The following CFDP1 variants were observed in gnomAD, a reference collection of about 807,000 sequenced individuals.
CFDP1 encodes chromatin remodeling protein CFDP1.
Under a neutral mutation model 40.1 loss-of-function variants are expected in CFDP1, and 31 were observed. That is an observed-to-expected ratio of 0.77 (90% CI 0.58 to 1.04). CFDP1 has a LOEUF of 1.04. Among genes scored for constraint, CFDP1 ranks in the 50% least tolerant of loss-of-function variants. The pLI is 0.00. For missense variants in CFDP1, 423 were observed against 343.4 expected (o/e 1.23, Z -1.83); for synonymous variants, 167 against 120.0 (o/e 1.39, Z -2.56).
chr16:75,380,429 T>C (rs1266157500), intron 5 of CFDP1, among the ~76,000 whole-genome samples: 2 of 152,096 alleles, frequency 1.3e-5, no homozygotes, highest in Non-Finnish European at 2.9e-5. Flanking sequence ...ACAGTTTCAA[T>C]AACTTCCAGT....
chr16:75,375,699 G>A (rs1439700286), intron 5 of CFDP1, among the ~76,000 whole-genome samples: 1 of 151,472 alleles, frequency 6.6e-6, no homozygotes, highest in Non-Finnish European at 1.5e-5. Flanking sequence ...GCTGAGACAG[G>A]AGAATCGTTT....
At chr16:75,296,532 C>A (rs1044636119) in intron 6 of CFDP1, among the ~76,000 whole-genome samples, 1 of 152,182 alleles carries the variant, frequency 6.6e-6, no homozygotes, top group African/African-American at 2.4e-5. Flanking sequence ...TCGGGCCCAG[C>A]CCTGACTTTC....
rs957300783 is a variant in CFDP1, at chr16:75,433,470, C to A, written c.-118G>T. 4.3e-6 allele frequency: 4 copies of A among 928,940 alleles called. No homozygotes were observed. The highest frequency in any genetic ancestry group is 2.6e-5 in the East Asian group (1 of 37,950). The allele number at this position is 928,940 out of a possible 1,614,324, so 57.5% of individuals were successfully genotyped here. The stretch of plus-strand genomic sequence containing the variant: ...CGGCGACGGCAGCTAGGGCGGCCCC[C>A]GACAGCGCTTTGCACATGCGCAGAG... On this transcript the variant is annotated 5_prime_UTR_variant, in exon 1 of 7. Transcript: ENST00000283882.
intron 5 of CFDP1, among the ~76,000 whole-genome samples, chr16:75,388,456 G>C (rs562814784): frequency 9.3e-4 from 141 of 152,304 alleles, no homozygotes; most frequent in African/African-American, 3.1e-3. Flanking sequence ...GGGAAAAGCA[G>C]TTGCCTACAG....
chr16:75,340,171 T>G (rs2078517023), intron 5 of CFDP1, among the ~76,000 whole-genome samples: 1 of 152,214 alleles, frequency 6.6e-6, no homozygotes, highest in Non-Finnish European at 1.5e-5. Context: ...AATCGACTGA[T>G]AAAATCACAT....
At chr16:75,306,902 C>CACACACACAT (rs1555552534) in intron 5 of CFDP1, among the ~76,000 whole-genome samples, 2,141 of 149,598 alleles carry the variant, frequency 0.014, 48 homozygotes, top group African/African-American at 0.05. Context: ...CACACACACA[C>CACACACACAT]GCACACACAC....
chr16:75,386,306 C>T (rs1004528597), intron 5 of CFDP1, among the ~76,000 whole-genome samples: 1 of 152,216 alleles, frequency 6.6e-6, no homozygotes, highest in African/African-American at 2.4e-5. Context: ...ATTTATTTAA[C>T]TCCAGGCAAC....
chr16:75,394,410 G>C (rs1321213474), intron 5 of CFDP1, among the ~76,000 whole-genome samples: 1 of 152,198 alleles, frequency 6.6e-6, no homozygotes, highest in African/African-American at 2.4e-5. Flanking sequence ...TTAAGTTCCT[G>C]ACAATGTGTT....
At chr16:75,415,157 A>G (rs757388967) in intron 1 of CFDP1, among the ~76,000 whole-genome samples, 14 of 152,244 alleles carry the variant, frequency 9.2e-5, no homozygotes, top group Non-Finnish European at 1.5e-4. Flanking sequence ...TCAATAAAAG[A>G]AGTTTAAAAG....
At position 75,302,068 on chromosome 16, in the gene CFDP1, G is replaced by T. The variant is rs374230123; in HGVS notation, c.809+2956C>A. Among the ~76,000 whole-genome samples, 6 of 152,154 alleles carry T rather than the reference G, an allele frequency of 3.9e-5. No homozygotes were observed. In the East Asian group the frequency reaches 9.6e-4, roughly 24 times the overall value. On this transcript the variant is annotated intron_variant, in intron 6 of 6. Coordinates refer to ENST00000283882, the MANE Select transcript of CFDP1 (RefSeq NM_006324.3). ...GGGCGAATGAGGGGAGAAGCCTCAA[G>T]CAAAGGAGGGAAAAGCAGAGCATAA...
At chr16:75,300,670 G>A (rs2078215706) in intron 6 of CFDP1, among the ~76,000 whole-genome samples, 1 of 152,200 alleles carries the variant, frequency 6.6e-6, no homozygotes, top group South Asian at 2.1e-4. Context: ...GTTTATGGAG[G>A]GAAAGCAAGT....
chr16:75,320,052 T>G (rs1156632668), intron 5 of CFDP1, among the ~76,000 whole-genome samples: 1 of 152,242 alleles, frequency 6.6e-6, no homozygotes, highest in African/African-American at 2.4e-5. Flanking sequence ...ACGGTATCAC[T>G]GACCATCAAA....
intron 1 of CFDP1, among the ~76,000 whole-genome samples, chr16:75,431,470 A>G (rs1011617845): frequency 1.3e-5 from 2 of 149,006 alleles, no homozygotes; most frequent in African/African-American, 4.9e-5. Flanking sequence ...AAAAAAAAAA[A>G]AAAAAAAGAA....
chr16:75,413,669 T>A (rs887943583), intron 2 of CFDP1, among the ~76,000 whole-genome samples: 1 of 152,174 alleles, frequency 6.6e-6, no homozygotes, highest in African/African-American at 2.4e-5. Flanking sequence ...ATATCTACAT[T>A]CTTTTTTCTT....
At chr16:75,296,212 T>TA (rs2078181039) in intron 6 of CFDP1, among the ~76,000 whole-genome samples, 1 of 152,150 alleles carries the variant, frequency 6.6e-6, no homozygotes, top group Non-Finnish European at 1.5e-5. Context: ...AAGGAGTAAG[T>TA]ATGTGGCTTT....
intron 5 of CFDP1, among the ~76,000 whole-genome samples, chr16:75,364,020 G>A (rs899819042): frequency 3.3e-5 from 5 of 150,458 alleles, no homozygotes; most frequent in Admixed American, 6.6e-5. Context: ...AAGAATTAGG[G>A]GCTGTGAAGG....
At chr16:75,423,660 A>G (rs978457309) in intron 1 of CFDP1, among the ~76,000 whole-genome samples, 8 of 151,580 alleles carry the variant, frequency 5.3e-5, no homozygotes, top group African/African-American at 1.5e-4. Flanking sequence ...GACTACAGGC[A>G]CCCGCCACCT....
intron 5 of CFDP1, among the ~76,000 whole-genome samples, chr16:75,362,156 T>C (rs2078684187): frequency 6.6e-6 from 1 of 152,252 alleles, no homozygotes; most frequent in African/African-American, 2.4e-5. Context: ...GGGTCAGTAC[T>C]GTCATTTCCT....
chr16:75,368,742 C>T lies in CFDP1; in HGVS notation c.650+26348G>A, dbSNP rs145830605. On this transcript the variant is annotated intron_variant, in intron 5 of 6. Transcript: ENST00000283882. ...TGTCAGCCTCAACCTCCTAGGCTCA[C>T]GCAATCCTCCCACTTCAGCATTCTG... Among the ~76,000 whole-genome samples, 985 of 151,890 alleles carry T rather than the reference C, an allele frequency of 6.5e-3. 8 individuals are homozygous for T. The highest frequency in any genetic ancestry group is 0.017 in the Middle Eastern group (5 of 294).
Sources: allele counts gnomAD v4.1 joint callset (sites outside exome capture counted in the v4.1 genomes callset), GRCh38; gene constraint gnomAD v4.1.1; transcripts MANE v1.5; gene names NCBI Gene and HGNC (gene_info 2026-07-23, HGNC 2026-07-21).